The following SPNS3 variants were observed in gnomAD, a reference collection of about 807,000 sequenced individuals.
The protein encoded by SPNS3 is SPNS lysolipid transporter 3, sphingosine-1-phosphate (putative).
In SPNS3, 51 loss-of-function variants were observed where a neutral mutation model predicts 54.4. The observed-to-expected ratio is 0.94, with a 90% CI of 0.75 to 1.18. The LOEUF (loss-of-function observed/expected upper bound fraction) is 1.18, where lower values mean the gene tolerates loss of function less well. SPNS3 is among the 50% of genes most tolerant of loss of function. SPNS3 has a pLI of 0.00. For missense variants in SPNS3, 669 were observed against 677.4 expected, an observed-to-expected ratio of 0.99 and a Z score of 0.14; for synonymous variants, 309 against 294.7, an observed-to-expected ratio of 1.05 and a Z score of -0.50.
At chr17:4,450,557 G>A (rs139981565) in intron 7 of SPNS3, among the ~76,000 whole-genome samples, 5,084 of 151,676 alleles carry the variant, frequency 0.034, 119 homozygotes, top group Admixed American at 0.051. Context: ...GGGACCACAG[G>A]CACACGCCAC....
Position 4,434,658 on chromosome 17 carries a change from G to A in SPNS3, c.199+492G>A, listed in dbSNP as rs182691301. ...ATTACAGGCGTGCACCACCACATCC[G>A]GCTAATTTTTGTATTTTGAGTAGAG... On this transcript the variant is annotated intron_variant, in intron 1 of 11. Transcript: ENST00000355530. 9.1e-4 allele frequency among the ~76,000 whole-genome samples: 138 copies of A among 151,548 alleles called. 2 individuals carry two copies. In the East Asian group the frequency reaches 0.016, roughly 17 times the overall value.
intron 8 of SPNS3, among the ~76,000 whole-genome samples, chr17:4,461,298 AC>A (rs553557680): frequency 5.5e-4 from 81 of 147,138 alleles, no homozygotes; most frequent in African/African-American, 1.9e-3. Flanking sequence ...CAAAGAACCA[AC>A]TTTTGGTTTC....
intron 1 of SPNS3, among the ~76,000 whole-genome samples, chr17:4,437,539 C>T (rs1316215401): frequency 6.6e-6 from 1 of 151,574 alleles, no homozygotes; most frequent in African/African-American, 2.4e-5. Flanking sequence ...TGATGGCGGG[C>T]ACCTGTAATC....
chr17:4,453,241 TG>T (rs1303617891), intron 8 of SPNS3, 36 bp downstream of exon 8: 4 of 1,577,004 alleles, frequency 2.5e-6, no homozygotes, highest in Non-Finnish European at 3.4e-6. Flanking sequence ...GGGACAGGGT[TG>T]GGGGGCGAGG....
intron 2 of SPNS3, among the ~76,000 whole-genome samples, chr17:4,440,004 C>T (rs1395428011): frequency 6.6e-6 from 1 of 152,150 alleles, no homozygotes; most frequent in Non-Finnish European, 1.5e-5. Flanking sequence ...CTGGCCATTC[C>T]TTCCCTTCGT....
chr17:4,448,911 G>T (rs1198412448), intron 6 of SPNS3, among the ~76,000 whole-genome samples: 1 of 152,150 alleles, frequency 6.6e-6, no homozygotes, highest in African/African-American at 2.4e-5. Context: ...TCCCAGGATG[G>T]GGAGATTTGG....
At chr17:4,448,345 G>A (rs884250) in intron 6 of SPNS3, 42 bp downstream of exon 6, 1,256,241 of 1,459,020 alleles carry the variant, frequency 0.86, 550,139 homozygotes, top group Non-Finnish European at 0.89. Flanking sequence ...AGAAAAGCCC[G>A]TTTGTCTGCC....
Position 4,486,492 on chromosome 17 carries a change from C to G in SPNS3, c.1359C>G (p.Cys453Trp). 2.5e-6 allele frequency: 4 copies of G among 1,613,680 alleles called. No homozygotes were observed. Among genetic ancestry groups the G allele is most frequent in the Non-Finnish European group, 2.5e-6 (3 of 1,179,974 alleles). Reference protein sequence around the residue: ...FRSLQQSFLCCAFVIALGGGC... With the variant: ...FRSLQQSFLCWAFVIALGGGC... ...GCCTGCAGCAGAGCTTCCTGTGCTG[C>G]GCCTTTGTCATCGCCCTGGGGGGCG... Residue 453 changes from cysteine to tryptophan, a missense_variant, in exon 11 of 12, where the codon TGC (cysteine) becomes TGG (tryptophan). Transcript: ENST00000355530. The surrounding 1 kb of genome is among the most constrained non-coding windows in gnomAD (Gnocchi z 5.5).
chr17:4,485,805 C>T (rs187864096), intron 9 of SPNS3, among the ~76,000 whole-genome samples: 5 of 152,354 alleles, frequency 3.3e-5, no homozygotes, highest in African/African-American at 9.6e-5. Flanking sequence ...CCTGAGAGGA[C>T]TGAGCCCTCC....
chr17:4,488,001 C>G lies in SPNS3; in HGVS notation c.*107C>G. 1 of 965,694 alleles carries G rather than the reference C, an allele frequency of 1.0e-6. No homozygotes were observed. The highest frequency in any genetic ancestry group is 1.5e-5 in the South Asian group (1 of 67,890). 59.8% of individuals were successfully genotyped at this position (965,694 alleles called of 1,614,324 possible). A position where few individuals can be genotyped will look rare whatever the true frequency, so the allele number is the denominator to read the frequency against. Reference sequence around the variant, plus strand: ...CTCGGGGACTCCGGCTGAGGCACATCTGCCACTTTTGAATTCCCGGCTGGA... The same window carrying G: ...CTCGGGGACTCCGGCTGAGGCACATGTGCCACTTTTGAATTCCCGGCTGGA... On this transcript the variant is annotated 3_prime_UTR_variant, in exon 12 of 12. Transcript: ENST00000355530.
intron 4 of SPNS3, 181 bp from the exon 5 acceptor site, chr17:4,446,715 T>C (rs1970997299): frequency 3.2e-6 from 2 of 634,470 alleles, no homozygotes; most frequent in Admixed American, 2.4e-5. Context: ...ACTGGTGACC[T>C]GACCGAGGGC....
At chr17:4,473,746 C>T (rs1267515525) in intron 8 of SPNS3, among the ~76,000 whole-genome samples, 2 of 152,046 alleles carry the variant, frequency 1.3e-5, no homozygotes, top group Non-Finnish European at 2.9e-5. Context: ...GATAACTGCC[C>T]ATCTGGTGTC....
chr17:4,479,714 G>C (rs763234057), intron 9 of SPNS3, among the ~76,000 whole-genome samples: 1 of 152,242 alleles, frequency 6.6e-6, no homozygotes, highest in African/African-American at 2.4e-5. Flanking sequence ...TCAATGCCGC[G>C]GCACCAGCCT....
chr17:4,481,616 G>C (rs988417801), intron 9 of SPNS3, among the ~76,000 whole-genome samples: 2 of 152,170 alleles, frequency 1.3e-5, no homozygotes, highest in African/African-American at 2.4e-5. Flanking sequence ...GGGCAGCAGA[G>C]CCCAGGCTCG....
intron 9 of SPNS3, among the ~76,000 whole-genome samples, chr17:4,484,587 C>A (rs576871979): frequency 6.6e-6 from 1 of 152,302 alleles, no homozygotes; most frequent in East Asian, 1.9e-4. Context: ...TCCCAAAGTG[C>A]TGGGATTACA....
At chr17:4,467,417 G>A (rs1971708125) in intron 8 of SPNS3, among the ~76,000 whole-genome samples, 1 of 152,080 alleles carries the variant, frequency 6.6e-6, no homozygotes, top group Admixed American at 6.6e-5. Flanking sequence ...GTCCGCTCAT[G>A]TGGCTGCTTT....
rs1196672979 is a variant in SPNS3, at chr17:4,483,101, C to G, written c.1180-3127C>G. On this transcript the variant is annotated intron_variant, in intron 9 of 11. Transcript: ENST00000355530. The surrounding 1 kb of genome is among the most constrained non-coding windows in gnomAD (Gnocchi z 4.2). ...GCTTCCCTGCTCAGCCTCTGCCCCC[C>G]AGGTAGCTGTCTGCTCACTGGCCTG... Among the ~76,000 whole-genome samples, 2 of 152,206 alleles carry G rather than the reference C, an allele frequency of 1.3e-5. No individual in the cohort carries two copies. The highest frequency in any genetic ancestry group is 6.5e-5 in the Admixed American group (1 of 15,286).
At chr17:4,451,142 G>A (rs1332333188) in intron 7 of SPNS3, among the ~76,000 whole-genome samples, 1 of 152,156 alleles carries the variant, frequency 6.6e-6, no homozygotes, top group Admixed American at 6.5e-5. Context: ...GGACTCAGAG[G>A]CAGCTAGCAT....
chr17:4,436,708 G>A (rs576767112), intron 1 of SPNS3, among the ~76,000 whole-genome samples: 1 of 152,360 alleles, frequency 6.6e-6, no homozygotes, highest in African/African-American at 2.4e-5. Context: ...GCCAGACTGG[G>A]AGCTTGGACT....
Sources: allele counts gnomAD v4.1 joint callset (sites outside exome capture counted in the v4.1 genomes callset), GRCh38; gene constraint gnomAD v4.1.1; non-coding constraint Gnocchi (gnomAD v3.1); transcripts MANE v1.5; gene names NCBI Gene and HGNC (gene_info 2026-07-23, HGNC 2026-07-21).